GRM3: variants seen among roughly 807,000 people sequenced by gnomAD.
GRM3 encodes metabotropic glutamate receptor 3.
In GRM3, 26 loss-of-function variants were observed where a neutral mutation model predicts 70.5. The observed-to-expected ratio is 0.37, with a 90% CI of 0.27 to 0.51. The LOEUF (loss-of-function observed/expected upper bound fraction) is 0.51, where lower values mean the gene tolerates loss of function less well. Among genes scored for constraint, GRM3 ranks in the 20% least tolerant of loss-of-function variants. The pLI is 0.93. For synonymous variants in GRM3, 443 were observed against 434.9 expected (o/e 1.02, Z -0.23); for missense variants, 859 against 1,123.8 (o/e 0.76, Z 3.37).
chr7:86,775,617 T>C (rs1278400967), intron 2 of GRM3, among the ~76,000 whole-genome samples: 1 of 152,112 alleles, frequency 6.6e-6, no homozygotes, highest in Non-Finnish European at 1.5e-5. Context: ...AAGTTCAAAA[T>C]ACTTATAATT....
intron 2 of GRM3, among the ~76,000 whole-genome samples, chr7:86,785,822 G>A (rs1304903488): frequency 6.7e-6 from 1 of 149,702 alleles, no homozygotes. Flanking sequence ...AGAGGGGGAA[G>A]TGAGAATTAG....
intron 3 of GRM3, among the ~76,000 whole-genome samples, chr7:86,819,753 C>A (rs987039595): frequency 1.3e-5 from 2 of 152,260 alleles, no homozygotes; most frequent in East Asian, 3.9e-4. Flanking sequence ...CCTTCTCCTT[C>A]AAAACTTGTC....
At chr7:86,747,708 G>A (rs780204460) in intron 1 of GRM3, among the ~76,000 whole-genome samples, 1 of 152,012 alleles carries the variant, frequency 6.6e-6, no homozygotes, top group Non-Finnish European at 1.5e-5. Context: ...ATCCAAAATG[G>A]TTAAGATCTA....
At chr7:86,661,796 A>T (rs112010228) in intron 1 of GRM3, among the ~76,000 whole-genome samples, 1 of 151,968 alleles carries the variant, frequency 6.6e-6, no homozygotes, top group East Asian at 1.9e-4. Flanking sequence ...ATCAAAAAAC[A>T]TGAAACCAAT....
intron 1 of GRM3, among the ~76,000 whole-genome samples, chr7:86,681,962 C>T (rs895636705): frequency 2.6e-5 from 4 of 152,146 alleles, no homozygotes; most frequent in Admixed American, 6.6e-5. Context: ...AAGCAAGCTT[C>T]GTAGATCAGT....
intron 1 of GRM3, among the ~76,000 whole-genome samples, chr7:86,706,522 T>C (rs1795060812): frequency 6.6e-6 from 1 of 151,998 alleles, no homozygotes; most frequent in African/African-American, 2.4e-5. Context: ...AAAGGCTTTG[T>C]GGTGGGCAGT....
intron 2 of GRM3, among the ~76,000 whole-genome samples, chr7:86,785,163 C>T (rs760359830): frequency 1.3e-5 from 2 of 152,206 alleles, no homozygotes; most frequent in African/African-American, 4.8e-5. Context: ...TAGTCAATGT[C>T]ATTTCTGATT....
chr7:86,785,980 G>A (rs1019714854), intron 2 of GRM3: 10 of 337,186 alleles, frequency 3.0e-5, no homozygotes, highest in South Asian at 2.3e-4. Context: ...CTAGTCTAGA[G>A]TCTAGCACAG....
chr7:86,766,508 A>C (rs1478989247), intron 2 of GRM3, among the ~76,000 whole-genome samples: 1 of 152,126 alleles, frequency 6.6e-6, no homozygotes, highest in East Asian at 1.9e-4. Context: ...AAGGTTACTA[A>C]ATTTTATAGA....
chr7:86,689,674 G>T (rs1794652613), intron 1 of GRM3, among the ~76,000 whole-genome samples: 1 of 152,046 alleles, frequency 6.6e-6, no homozygotes, highest in African/African-American at 2.4e-5. Context: ...ATAAGAATGT[G>T]AATAGCTATA....
chr7:86,799,989 A>G (rs1312394402), intron 3 of GRM3, among the ~76,000 whole-genome samples: 3 of 152,192 alleles, frequency 2.0e-5, no homozygotes, highest in African/African-American at 4.8e-5. Context: ...TAAGAAACTC[A>G]CTCAAAACCA....
At chr7:86,838,818 C>A in intron 3 of GRM3, 21 bp from the exon 4 acceptor site, 1 of 1,413,768 alleles carries the variant, frequency 7.1e-7, no homozygotes, top group Non-Finnish European at 9.7e-7. Context: ...TCTTTTTTTT[C>A]TTTCACTTTA....
At chr7:86,659,503 C>T (rs567778588) in intron 1 of GRM3, among the ~76,000 whole-genome samples, 1 of 152,056 alleles carries the variant, frequency 6.6e-6, no homozygotes, top group African/African-American at 2.4e-5. Flanking sequence ...CCAGAGCTTA[C>T]GAATTTGACC....
chr7:86,788,066 A>G (rs1165046133), intron 3 of GRM3, among the ~76,000 whole-genome samples: 1 of 152,236 alleles, frequency 6.6e-6, no homozygotes, highest in African/African-American at 2.4e-5. Flanking sequence ...CAAAAACATT[A>G]CAGTGATAAA....
At chr7:86,811,184 C>T (rs961036772) in intron 3 of GRM3, among the ~76,000 whole-genome samples, 19 of 151,836 alleles carry the variant, frequency 1.3e-4, no homozygotes, top group African/African-American at 4.4e-4. Context: ...AGGTATCATC[C>T]AATTGCTTCA....
chr7:86,698,487 C>T (rs1307378439), intron 1 of GRM3, among the ~76,000 whole-genome samples: 1 of 148,622 alleles, frequency 6.7e-6, no homozygotes, highest in East Asian at 1.9e-4. Context: ...AGCCCTTTTA[C>T]CTGGTATAAA....
intron 3 of GRM3, among the ~76,000 whole-genome samples, chr7:86,834,343 A>G (rs953821367): frequency 2.6e-5 from 4 of 151,826 alleles, no homozygotes; most frequent in Non-Finnish European, 4.4e-5. Context: ...TTCCTGTTGT[A>G]TTTTCTACTT....
chr7:86,765,478 G>A lies in GRM3; in HGVS notation c.333G>A (p.Glu111=), dbSNP rs573636760. The A allele has an allele frequency of 6.2e-7, 1 of 1,613,942 alleles. No homozygotes were observed. The highest frequency in any genetic ancestry group is 8.5e-7 in the Non-Finnish European group (1 of 1,179,880). The part of the protein sequence containing the change: ...RDTYALEQSL[E]FVRASLTKVD... ...CCTATGCATTGGAGCAATCACTGGA[G>A]TTTGTCAGGGCATCTTTGACAAAAG... Residue 111 remains glutamate, a synonymous_variant, in exon 2 of 6, where the codon GAG becomes GAA. Coordinates refer to ENST00000361669, the MANE Select transcript of GRM3 (RefSeq NM_000840.3).
At chr7:86,653,584 G>A (rs1031997991) in intron 1 of GRM3, among the ~76,000 whole-genome samples, 1 of 152,102 alleles carries the variant, frequency 6.6e-6, no homozygotes, top group African/African-American at 2.4e-5. Flanking sequence ...GTTACCTATA[G>A]TAAGTTCCCA....
Sources: allele counts gnomAD v4.1 joint callset (sites outside exome capture counted in the v4.1 genomes callset), GRCh38; gene constraint gnomAD v4.1.1; transcripts MANE v1.5; gene names NCBI Gene and HGNC (gene_info 2026-07-23, HGNC 2026-07-21).